Variants in LAMA1 observed in about 807,000 individuals in gnomAD.
LAMA1 encodes laminin subunit alpha-1.
A neutral mutation model predicts 348.7 loss-of-function variants in LAMA1; 219 were observed. The observed-to-expected ratio is 0.63, with a 90% CI of 0.56 to 0.70. LAMA1 has a LOEUF of 0.70. Among genes scored for constraint, LAMA1 ranks in the 30% least tolerant of loss-of-function variants. The pLI is 0.00. For missense variants in LAMA1, 3,744 were observed against 3,888.0 expected (o/e 0.96, Z 0.99); for synonymous variants, 1,487 against 1,491.0 (o/e 1.00, Z 0.06).
intron 15 of LAMA1, among the ~76,000 whole-genome samples, chr18:7,032,731 G>A (rs1223576996): frequency 6.6e-6 from 1 of 152,148 alleles, no homozygotes; most frequent in Non-Finnish European, 1.5e-5. Context: ...AGTATTGCAA[G>A]TTTCTTGTTG....
chr18:7,043,972 A>G (rs2058031455), intron 7 of LAMA1, among the ~76,000 whole-genome samples: 1 of 152,102 alleles, frequency 6.6e-6, no homozygotes. Flanking sequence ...TGGCTAACAC[A>G]GTGAAACCCC....
chr18:6,957,088 G>A (rs2057582743), intron 55 of LAMA1: 15 of 368,872 alleles, frequency 4.1e-5, no homozygotes, highest in South Asian at 2.7e-4. Context: ...TCAGGGACAC[G>A]TTTTTGTCTC....
intron 51 of LAMA1, chr18:6,963,885 C>G (rs2057620447): frequency 6.6e-6 from 1 of 152,246 alleles, no homozygotes; most frequent in Non-Finnish European, 1.5e-5. Flanking sequence ...CAGTCTTACA[C>G]AAGGATTCCA....
chr18:7,060,853 T>C (rs1241836342), intron 3 of LAMA1, among the ~76,000 whole-genome samples: 1 of 152,118 alleles, frequency 6.6e-6, no homozygotes, highest in African/African-American at 2.4e-5. Context: ...CTAATAGTAT[T>C]GTTGTTTTAA....
intron 1 of LAMA1, among the ~76,000 whole-genome samples, chr18:7,099,733 G>A (rs1230022005): frequency 1.3e-5 from 2 of 151,726 alleles, no homozygotes; most frequent in Non-Finnish European, 2.9e-5. Flanking sequence ...AAAAACCTAT[G>A]GCACTACAAA....
chr18:7,047,766 C>A (rs2058047748), intron 5 of LAMA1, among the ~76,000 whole-genome samples: 1 of 151,826 alleles, frequency 6.6e-6, no homozygotes, highest in African/African-American at 2.4e-5. Context: ...CAACAACGGC[C>A]CCAAAACAAG....
chr18:6,958,072 G>A (rs941192557), intron 55 of LAMA1, among the ~76,000 whole-genome samples: 2 of 152,132 alleles, frequency 1.3e-5, no homozygotes, highest in East Asian at 1.9e-4. Flanking sequence ...TACAGTAATT[G>A]TTTTTGGGGA....
rs368037122 is a variant in LAMA1 at position 7,078,139 on chromosome 18, A to ATTTTTTTTTGT, written c.345+1825_345+1835dup. ...TTCAAAGAAGCTCTTTTCTCTTTTT[A>ATTTTTTTTTGT]TTTTTTTTTGTTTTTTATTTTATTT... On this transcript the variant is annotated intron_variant, in intron 3 of 62. Transcript: ENST00000389658. Among the ~76,000 whole-genome samples, 95 of 140,848 alleles carry ATTTTTTTTTGT rather than the reference A, an allele frequency of 6.7e-4. 1 individual carries two copies. The highest frequency in any genetic ancestry group is 9.3e-4 in the Non-Finnish European group (61 of 65,860). The allele number at this position is 140,848 out of a possible 152,430, so 92.4% of individuals were successfully genotyped here. A position where few individuals can be genotyped will look rare whatever the true frequency, so the allele number is the denominator to read the frequency against.
chr18:7,009,336 C>T lies in LAMA1; in HGVS notation c.3904G>A (p.Glu1302Lys), dbSNP rs2057848299. ...AAATCCTCTCGCGTGACAGGTTTTT[C>T]AGAAACAGAGTTAAAATATTTCCAA... Reference protein sequence around the residue: ...NFWKYFNSVSEKPVTREDFMS... With the variant: ...NFWKYFNSVSKKPVTREDFMS... The change falls in exon 27 of 63, where the codon GAA (glutamate) becomes AAA (lysine). Residue 1302 changes from glutamate (E) to lysine (K), a missense_variant. Transcript: ENST00000389658. The T allele has an allele frequency of 6.2e-7, 1 of 1,613,968 alleles. No homozygotes were observed. Among genetic ancestry groups the T allele is most frequent in the African/African-American group, 1.3e-5 (1 of 74,912 alleles).
chr18:7,042,982 T>C, intron 8 of LAMA1: 1 of 532,954 alleles, frequency 1.9e-6, no homozygotes, highest in Non-Finnish European at 3.3e-6. Context: ...TAGTTAGTAT[T>C]ATGACCCAGG....
At chr18:7,030,100 G>A (rs2057962213) in intron 16 of LAMA1, among the ~76,000 whole-genome samples, 1 of 151,982 alleles carries the variant, frequency 6.6e-6, no homozygotes, top group South Asian at 2.1e-4. Flanking sequence ...ATTAAGAAGG[G>A]AGAAATAGTA....
chr18:7,079,385 G>C (rs1657831969), intron 3 of LAMA1: 1 of 159,230 alleles, frequency 6.3e-6, no homozygotes, highest in South Asian at 1.8e-4. Flanking sequence ...CTTGAAGCAA[G>C]GTAAGGAGAT....
intron 3 of LAMA1, among the ~76,000 whole-genome samples, chr18:7,072,972 T>G (rs1022581114): frequency 6.6e-6 from 1 of 152,102 alleles, no homozygotes; most frequent in African/African-American, 2.4e-5. Flanking sequence ...GACTCCAGCC[T>G]CCAGCTTTCC....
chr18:7,022,788 G>T (rs907302698), intron 19 of LAMA1, among the ~76,000 whole-genome samples: 3 of 152,132 alleles, frequency 2.0e-5, no homozygotes, highest in African/African-American at 2.4e-5. Context: ...CTTCATCTTG[G>T]AATCCCATCT....
In LAMA1 at chr18:7,077,351, A is replaced by G. The variant is rs151078919; in HGVS notation, c.345+2624T>C. On this transcript the variant is annotated intron_variant, in intron 3 of 62. Transcript: ENST00000389658. ...CGAGTAGCTGGGACTACAGGTGCCC[A>G]CCACCACGCCTGGCTCATTTTTTTG... Among the ~76,000 whole-genome samples, 32 of 151,464 alleles carry G rather than the reference A, an allele frequency of 2.1e-4. No homozygotes were observed. The East Asian group carries it at 4.9e-3, about 23-fold the overall frequency.
chr18:7,062,696 T>C (rs2058107221), intron 3 of LAMA1, among the ~76,000 whole-genome samples: 1 of 152,164 alleles, frequency 6.6e-6, no homozygotes. Context: ...GGCCAAGCAG[T>C]GTCTTCCAGC....
intron 1 of LAMA1, among the ~76,000 whole-genome samples, chr18:7,103,895 C>A (rs994583687): frequency 6.6e-6 from 1 of 152,088 alleles, no homozygotes; most frequent in African/African-American, 2.4e-5. Flanking sequence ...CCCTCCCCAG[C>A]GGATCTTCGC....
intron 29 of LAMA1, among the ~76,000 whole-genome samples, chr18:7,006,239 G>A (rs972650573): frequency 3.3e-5 from 5 of 152,068 alleles, no homozygotes; most frequent in South Asian, 2.1e-4. Context: ...TGTCTGGGCC[G>A]CTTAGTCGTT....
intron 1 of LAMA1, among the ~76,000 whole-genome samples, chr18:7,082,226 A>G (rs988601490): frequency 1.3e-5 from 2 of 152,214 alleles, no homozygotes; most frequent in African/African-American, 4.8e-5. Context: ...TAGTTATTTA[A>G]TATTTGTACT....
Sources: gnomAD v4.1 joint callset for allele counts (sites outside exome capture counted in the v4.1 genomes callset) on GRCh38, gnomAD v4.1.1 for gene constraint, MANE v1.5 for transcripts, NCBI Gene and HGNC (gene_info 2026-07-23, HGNC 2026-07-21) for gene names.